LCORL: variants seen among roughly 807,000 people sequenced by gnomAD.
The protein encoded by LCORL is ligand-dependent nuclear receptor corepressor-like protein.
Under a neutral mutation model 141.8 loss-of-function variants are expected in LCORL, and 41 were observed. The observed-to-expected ratio is 0.29, with a 90% CI of 0.23 to 0.38. The LOEUF (loss-of-function observed/expected upper bound fraction) is 0.38, where lower values mean the gene tolerates loss of function less well. LCORL is among the 10% of genes least tolerant of loss of function. The probability of loss-of-function intolerance (pLI) is 1.00; values close to 1 mark genes in which losing one functional copy is unlikely to be tolerated. For synonymous variants in LCORL, 618 were observed against 694.1 expected, an observed-to-expected ratio of 0.89 and a Z score of 1.72; for missense variants, 1,759 against 2,035.0, an observed-to-expected ratio of 0.86 and a Z score of 2.61.
At position 17,942,755 on chromosome 4, in the gene LCORL, G is replaced by A. The variant is rs145321346; in HGVS notation, c.430+19148C>T. ...CTAGTATGGAAGAATACAATATAAAGATTATATATTTCTTGGAGACGTCCC... is the reference window on the plus strand; with the variant it reads ...CTAGTATGGAAGAATACAATATAAAAATTATATATTTCTTGGAGACGTCCC... On this transcript the variant is annotated intron_variant, in intron 4 of 7. Coordinates refer to ENST00000635767, the Ensembl canonical transcript of LCORL. 6.8e-3 allele frequency among the ~76,000 whole-genome samples: 1,033 copies of A among 152,186 alleles called. 10 individuals carry two copies. The highest frequency in any genetic ancestry group is 0.011 in the Non-Finnish European group (755 of 68,004).
chr4:17,997,738 T>G (rs1230905422), intron 1 of LCORL, among the ~76,000 whole-genome samples: 1 of 151,792 alleles, frequency 6.6e-6, no homozygotes, highest in Non-Finnish European at 1.5e-5. Flanking sequence ...TAAGAAAAAC[T>G]GGGAGAAAGA....
At chr4:17,882,391 T>G (rs1005236341) in intron 6 of LCORL, 2 of 984,486 alleles carry the variant, frequency 2.0e-6, no homozygotes, top group Non-Finnish European at 1.2e-6. Flanking sequence ...TTTATAACAT[T>G]TTACCACTAC....
intron 1 of LCORL, among the ~76,000 whole-genome samples, chr4:18,016,969 C>T (rs990707035): frequency 2.6e-4 from 39 of 152,066 alleles, no homozygotes; most frequent in African/African-American, 8.9e-4. Context: ...GTATCTAAGT[C>T]TATTTTCCAC....
At chr4:17,865,560 T>G (rs1725542213) in intron 7 of LCORL, among the ~76,000 whole-genome samples, 2 of 152,170 alleles carry the variant, frequency 1.3e-5, no homozygotes, top group African/African-American at 4.8e-5. Context: ...TATTTTGAAT[T>G]TAATTAAAAT....
intron 6 of LCORL, chr4:17,882,964 T>C (rs1332513802): frequency 1.1e-6 from 1 of 915,452 alleles, no homozygotes; most frequent in African/African-American, 1.8e-5. Context: ...TAAATTATTT[T>C]TTGTTCTTAG....
chr4:17,941,953 C>T (rs937440490), intron 4 of LCORL, among the ~76,000 whole-genome samples: 4 of 151,642 alleles, frequency 2.6e-5, no homozygotes, highest in Non-Finnish European at 5.9e-5. Flanking sequence ...TTATTCCTAT[C>T]ACAGCCACTT....
At chr4:18,010,388 GTGTGTGTGTC>G (rs1167697525) in intron 1 of LCORL, among the ~76,000 whole-genome samples, 1 of 143,768 alleles carries the variant, frequency 7.0e-6, no homozygotes, top group Non-Finnish European at 1.5e-5. Context: ...ATATATATAT[GTGTGTGTGTC>G]TGTGTGTGTG....
chr4:17,861,680 T>A (rs991805343), intron 7 of LCORL, among the ~76,000 whole-genome samples: 2 of 152,186 alleles, frequency 1.3e-5, no homozygotes, highest in African/African-American at 4.8e-5. Flanking sequence ...CTGCAAATTT[T>A]CCGAACTTTT....
chr4:17,874,373 T>C, exon 7 of LCORL: 6 of 1,233,954 alleles, frequency 4.9e-6, no homozygotes, highest in Non-Finnish European at 6.1e-6. Context: ...TGGTCCCTAA[T>C]TTGATTCCCC....
chr4:17,979,048 T>A (rs539008401), intron 1 of LCORL, among the ~76,000 whole-genome samples: 2 of 151,772 alleles, frequency 1.3e-5, no homozygotes, highest in African/African-American at 4.8e-5. Flanking sequence ...CCCTCCCCCA[T>A]TGCCCCACCC....
exon 7 of LCORL, chr4:17,877,186 T>C (rs1014159384): frequency 3.8e-5 from 47 of 1,230,382 alleles, no homozygotes; most frequent in Non-Finnish European, 4.5e-5. Flanking sequence ...CGAAATCTTG[T>C]CTGAATAATT....
intron 1 of LCORL, among the ~76,000 whole-genome samples, chr4:17,996,724 T>C (rs1426156000): frequency 1.3e-5 from 2 of 152,076 alleles, no homozygotes; most frequent in African/African-American, 2.4e-5. Flanking sequence ...ACAGTAAGCT[T>C]GATACATTAA....
rs911475831 is a variant in LCORL, at chr4:17,854,135, A to C, written c.5603-8234T>G. ...ATGTTGGTAAGCTGGGGCAGAAGGA[A>C]GATTTGTAGAGCTCGAGTTCTGATC... On this transcript the variant is annotated intron_variant, in intron 7 of 7. Coordinates refer to ENST00000635767, the Ensembl canonical transcript of LCORL. Among the ~76,000 whole-genome samples the C allele has an allele frequency of 2.6e-5, 4 of 152,230 alleles. No individual in the cohort carries two copies. The South Asian group carries it at 8.3e-4, about 32-fold the overall frequency.
intron 7 of LCORL, among the ~76,000 whole-genome samples, chr4:17,867,704 C>A (rs1291532518): frequency 1.3e-5 from 2 of 152,006 alleles, no homozygotes; most frequent in African/African-American, 4.8e-5. Flanking sequence ...GAAAAAGTAT[C>A]CAATGTTTGT....
chr4:17,973,230 T>C (rs1716312051), intron 1 of LCORL, among the ~76,000 whole-genome samples: 1 of 151,848 alleles, frequency 6.6e-6, no homozygotes, highest in Non-Finnish European at 1.5e-5. Flanking sequence ...AGACACATAA[T>C]TGTTTATGTT....
intron 1 of LCORL, among the ~76,000 whole-genome samples, chr4:17,998,856 T>A (rs1721333373): frequency 6.8e-6 from 1 of 147,366 alleles, no homozygotes; most frequent in East Asian, 2.0e-4. Flanking sequence ...ACTTAGCTAA[T>A]CAGGAGGCTG....
intron 4 of LCORL, chr4:17,911,875 G>T: frequency 2.1e-6 from 1 of 476,188 alleles, no homozygotes. Context: ...CGTGGGGATG[G>T]CCGGGGGTCT....
intron 7 of LCORL, among the ~76,000 whole-genome samples, chr4:17,859,670 G>C (rs951026798): frequency 6.6e-6 from 1 of 152,150 alleles, no homozygotes; most frequent in Non-Finnish European, 1.5e-5. Flanking sequence ...TAGGAACAAT[G>C]TACTATGAGG....
chr4:17,941,067 C>G (rs1355676320), intron 4 of LCORL, among the ~76,000 whole-genome samples: 1 of 152,028 alleles, frequency 6.6e-6, no homozygotes, highest in Non-Finnish European at 1.5e-5. Context: ...AAAAAGAAAA[C>G]AAATGTTTAA....
Sources: gnomAD v4.1 joint callset for allele counts (sites outside exome capture counted in the v4.1 genomes callset) on GRCh38, gnomAD v4.1.1 for gene constraint, MANE v1.5 for transcripts, NCBI Gene and HGNC (gene_info 2026-07-23, HGNC 2026-07-21) for gene names.